PKD2: variants seen among roughly 807,000 people sequenced by gnomAD.
The protein encoded by PKD2 is polycystin-2.
In PKD2, 48 loss-of-function variants were observed where a neutral mutation model predicts 105.9. The ratio of observed to expected loss-of-function variants is 0.45; its 90% CI spans 0.36 to 0.58. PKD2 has a LOEUF of 0.58. Ranked by LOEUF, PKD2 falls within the 20% of genes least tolerant of loss-of-function variation. PKD2 has a pLI of 0.00. For synonymous variants in PKD2, 464 were observed against 481.1 expected (o/e 0.96, Z 0.46); for missense variants, 1,078 against 1,255.3 (o/e 0.86, Z 2.13).
intron 6 of PKD2, among the ~76,000 whole-genome samples, chr4:88,048,246 T>G (rs1029162109): frequency 6.6e-6 from 1 of 152,228 alleles, no homozygotes; most frequent in Non-Finnish European, 1.5e-5. Flanking sequence ...TTCTCTCTTC[T>G]GTTAGCCCTC....
At chr4:88,050,361 A>G (rs1720021620) in intron 6 of PKD2, among the ~76,000 whole-genome samples, 1 of 152,172 alleles carries the variant, frequency 6.6e-6, no homozygotes, top group South Asian at 2.1e-4. Context: ...AGGAATGAAC[A>G]AAATCACCCA....
At chr4:88,070,599 T>G (rs111342729) in intron 13 of PKD2, among the ~76,000 whole-genome samples, 48,436 of 96,802 alleles carry the variant, frequency 0.5, 10,867 homozygotes, top group South Asian at 0.58. Flanking sequence ...TATATATATA[T>G]ATAGAGAGAG....
intron 7 of PKD2, among the ~76,000 whole-genome samples, chr4:88,055,144 A>G (rs1252762411): frequency 1.3e-5 from 2 of 152,208 alleles, no homozygotes; most frequent in African/African-American, 4.8e-5. Context: ...AGTCAGGCAG[A>G]GCAGGCTTTG....
intron 8 of PKD2, among the ~76,000 whole-genome samples, chr4:88,056,988 TTTTG>T (rs1720370340): frequency 6.6e-6 from 1 of 151,932 alleles, no homozygotes; most frequent in African/African-American, 2.4e-5. Context: ...TTTTGTTTTT[TTTTG>T]TTTTGTTTTG....
At chr4:88,053,617 G>A (rs1264788852) in intron 7 of PKD2, among the ~76,000 whole-genome samples, 3 of 150,092 alleles carry the variant, frequency 2.0e-5, no homozygotes, top group African/African-American at 7.4e-5. Context: ...AGATCGCACC[G>A]CTGCACTCCA....
chr4:88,019,672 T>G (rs1439371826), intron 2 of PKD2, 101 bp downstream of exon 2: 1 of 733,474 alleles, frequency 1.4e-6, no homozygotes, highest in Non-Finnish European at 2.5e-6. Flanking sequence ...GAGGGGCAAC[T>G]GGGAAGTTAC....
chr4:88,038,106 C>T, intron 3 of PKD2, 145 bp from the exon 4 acceptor site: 1 of 906,344 alleles, frequency 1.1e-6, no homozygotes, highest in Non-Finnish European at 1.8e-6. Flanking sequence ...GATGCTATCC[C>T]AAATCTCTCT....
At chr4:88,034,610 G>T (rs2725224) in intron 2 of PKD2, among the ~76,000 whole-genome samples, 1 of 147,818 alleles carries the variant, frequency 6.8e-6, no homozygotes, top group African/African-American at 2.5e-5. Flanking sequence ...GGAGGTTGCA[G>T]TGAGCCGAGA....
intron 2 of PKD2, among the ~76,000 whole-genome samples, chr4:88,034,563 G>C (rs1727266298): frequency 6.6e-6 from 1 of 151,552 alleles, no homozygotes; most frequent in Non-Finnish European, 1.5e-5. Flanking sequence ...AGCTACTTGG[G>C]AGGCTGAAGT....
chr4:88,070,601 T>TATATATATATAGAGAG (rs1313482750), intron 13 of PKD2, among the ~76,000 whole-genome samples: 6 of 91,482 alleles, frequency 6.6e-5, no homozygotes, highest in Non-Finnish European at 1.3e-4. Context: ...TATATATATA[T>TATATATATATAGAGAG]AGAGAGAGAG....
intron 9 of PKD2, among the ~76,000 whole-genome samples, chr4:88,059,158 G>T (rs1720467753): frequency 6.6e-6 from 1 of 152,032 alleles, no homozygotes; most frequent in African/African-American, 2.4e-5. Flanking sequence ...TTTTTCCGGG[G>T]AGACACAGCC....
intron 7 of PKD2, among the ~76,000 whole-genome samples, chr4:88,054,174 T>A (rs886702943): frequency 6.6e-6 from 1 of 151,628 alleles, no homozygotes. Flanking sequence ...GGCGGGCAGA[T>A]CACCTGACGT....
chr4:88,050,065 C>T (rs1403199945), intron 6 of PKD2, among the ~76,000 whole-genome samples: 1 of 150,700 alleles, frequency 6.6e-6, no homozygotes, highest in African/African-American at 2.4e-5. Context: ...AGCTCTGCCT[C>T]CCGGGTTCAC....
At chr4:88,048,249 T>C (rs954892312) in intron 6 of PKD2, among the ~76,000 whole-genome samples, 2 of 152,216 alleles carry the variant, frequency 1.3e-5, no homozygotes, top group Admixed American at 6.5e-5. Context: ...TCTCTTCTGT[T>C]AGCCCTCCTT....
At position 88,076,321 on chromosome 4, in the gene PKD2, CTG is replaced by C. The variant is rs1721234246; in HGVS notation, c.*629_*630del. The stretch of plus-strand genomic sequence containing the variant: ...TCGTATCTGATGTCTGTGGGACTAA[CTG>C]TATCACTTAATTTTTACCTTATTTT... On this transcript the variant is annotated 3_prime_UTR_variant, in exon 15 of 15. Transcript: ENST00000237596. 1 of 152,704 alleles carries C rather than the reference CTG, an allele frequency of 6.5e-6. No homozygotes were observed. Among genetic ancestry groups the C allele is most frequent in the South Asian group, 2.1e-4 (1 of 4,850 alleles). 9.5% of individuals were successfully genotyped at this position (152,704 alleles called of 1,614,324 possible).
At chr4:88,047,616 A>G (rs1727825393) in intron 6 of PKD2, among the ~76,000 whole-genome samples, 1 of 152,138 alleles carries the variant, frequency 6.6e-6, no homozygotes, top group South Asian at 2.1e-4. Flanking sequence ...GGCAGAGAAA[A>G]CTTTCTGCAG....
intron 4 of PKD2, among the ~76,000 whole-genome samples, chr4:88,039,029 A>G (rs1727449837): frequency 6.6e-6 from 1 of 152,184 alleles, no homozygotes; most frequent in African/African-American, 2.4e-5. Context: ...GGCTTTTTGT[A>G]CACTTTGGTA....
chr4:88,057,555 C>A (rs1429677059), intron 8 of PKD2, among the ~76,000 whole-genome samples: 1 of 151,646 alleles, frequency 6.6e-6, no homozygotes, highest in Non-Finnish European at 1.5e-5. Flanking sequence ...CCTGCCTCAG[C>A]CTCCCGAATA....
chr4:88,068,685 A>G (rs779669072), intron 13 of PKD2, among the ~76,000 whole-genome samples: 7 of 152,226 alleles, frequency 4.6e-5, no homozygotes, highest in Non-Finnish European at 8.8e-5. Flanking sequence ...GTCCTGAAGA[A>G]TGTTCCTTGT....
Sources: gnomAD v4.1 joint callset for allele counts (sites outside exome capture counted in the v4.1 genomes callset) on GRCh38, gnomAD v4.1.1 for gene constraint, MANE v1.5 for transcripts, NCBI Gene and HGNC (gene_info 2026-07-23, HGNC 2026-07-21) for gene names.